Variants in DMD observed in about 807,000 individuals in gnomAD.
DMD encodes dystrophin.
A neutral mutation model predicts 330.1 loss-of-function variants in DMD; 63 were observed. The ratio of observed to expected loss-of-function variants is 0.19; its 90% CI spans 0.16 to 0.24. DMD has a LOEUF of 0.24. DMD is among the 10% of genes least tolerant of loss of function. The pLI is 1.00. For missense variants in DMD, 3,344 were observed against 2,684.1 expected (o/e 1.25, Z -5.43); for synonymous variants, 1,223 against 959.8 (o/e 1.27, Z -5.07).
intron 46 of DMD, 25 bp downstream of exon 46, chrX:31,932,055 G>T: frequency 8.3e-7 from 1 of 1,206,653 alleles, no homozygotes; most frequent in Non-Finnish European, 1.1e-6. Context: ...AGCAGGCCCT[G>T]GGGGATTTGA....
intron 1 of DMD, among the ~76,000 whole-genome samples, chrX:33,071,306 C>T (rs950595958): frequency 9.2e-6 from 1 of 109,115 alleles, no homozygotes; most frequent in African/African-American, 3.3e-5. Context: ...CAAAAATTAG[C>T]CAAGTGTGGT....
At chrX:31,259,843 C>T (rs181465865) in intron 63 of DMD, among the ~76,000 whole-genome samples, 69 of 110,654 alleles carry the variant, frequency 6.2e-4, no homozygotes, top group Middle Eastern at 4.6e-3. Flanking sequence ...ACACACACAC[C>T]CCACTTACGT....
intron 45 of DMD, among the ~76,000 whole-genome samples, chrX:31,946,961 T>A (rs1400704804): frequency 2.7e-5 from 3 of 111,028 alleles, no homozygotes; most frequent in Non-Finnish European, 5.7e-5. Flanking sequence ...GAGAGTAAAA[T>A]AAAAGGCCAT....
chrX:33,169,081 T>C, intron 1 of DMD, among the ~76,000 whole-genome samples: 2 of 108,606 alleles, frequency 1.8e-5, no homozygotes, highest in Middle Eastern at 9.4e-3. Context: ...TCAACAGTAT[T>C]GGGGCCTCCC....
In DMD at chrX:32,643,994, A is replaced by C. The variant is rs1454718256; in HGVS notation, c.1331+138T>G. 5 of 534,949 alleles carry C rather than the reference A, an allele frequency of 9.3e-6. No homozygotes were observed. The African/African-American group carries it at 1.2e-4, about 13-fold the overall frequency. 44.1% of individuals were successfully genotyped at this position (534,949 alleles called of 1,213,427 possible). A position where few individuals can be genotyped will look rare whatever the true frequency, so the allele number is the denominator to read the frequency against. On this transcript the variant is annotated intron_variant, in intron 11 of 78. Transcript: ENST00000357033. ...CAAAATGTTATTTCTATGAAAATCC[A>C]ACCAGTCTCCCTTGAAAGAAAGCTG...
At chrX:31,909,921 C>T (rs2094526947) in intron 47 of DMD, among the ~76,000 whole-genome samples, 1 of 112,077 alleles carries the variant, frequency 8.9e-6, no homozygotes, top group Non-Finnish European at 1.9e-5. Context: ...ATTTTTTGAA[C>T]TCCAGAGAGA....
chrX:31,496,791 A>G lies in DMD; in HGVS notation c.8544T>C (p.His2848=), dbSNP rs1199083892. The G allele has an allele frequency of 8.3e-7, 1 of 1,212,019 alleles. No individual in the cohort carries two copies. The change falls in exon 57 of 79, where the codon CAT becomes CAC. Residue 2848 remains histidine, a synonymous_variant. Coordinates refer to ENST00000357033, the MANE Select transcript of DMD (RefSeq NM_004006.3). ...ACGAGGCTTAAAAATGTCCTACCCT[A>G]TGTACATCGTTCTGCTTCTGAACTG... ...FPAVQKQNDV[H]RAFKRELKTK...
intron 74 of DMD, among the ~76,000 whole-genome samples, chrX:31,159,186 A>T (rs1043133458): frequency 8.9e-6 from 1 of 111,980 alleles, no homozygotes; most frequent in Non-Finnish European, 1.9e-5. Flanking sequence ...AAGAGCTCAC[A>T]TTCTAGAGTG....
chrX:32,176,589 G>C lies in DMD; in HGVS notation c.6438+40327C>G, dbSNP rs1433913947. ...GTATTCATATCAGTAAAGTGGGGAC[G>C]GTGGAGTCAAGGAAGAAGTATTGTA... On this transcript the variant is annotated intron_variant, in intron 44 of 78. Transcript: ENST00000357033. 3.6e-5 allele frequency among the ~76,000 whole-genome samples: 4 copies of C among 111,354 alleles called. No homozygotes were observed. In the East Asian group the frequency reaches 8.5e-4, roughly 24 times the overall value.
At chrX:32,731,995 A>C (rs113812001) in intron 7 of DMD, among the ~76,000 whole-genome samples, 1 of 111,662 alleles carries the variant, frequency 9.0e-6, no homozygotes, top group South Asian at 3.8e-4. Context: ...ACCAAAGGCA[A>C]AGAAGTTGAA....
At chrX:31,343,762 C>T (rs2057912502) in intron 61 of DMD, among the ~76,000 whole-genome samples, 1 of 109,991 alleles carries the variant, frequency 9.1e-6, no homozygotes, top group Non-Finnish European at 1.9e-5. Flanking sequence ...AATTTCTAAG[C>T]TTTAGGAGCC....
chrX:33,036,429 C>A (rs1368300624), intron 1 of DMD, among the ~76,000 whole-genome samples: 1 of 110,901 alleles, frequency 9.0e-6, no homozygotes. Context: ...TCTTTGTTCC[C>A]ATAAAAATTA....
intron 1 of DMD, among the ~76,000 whole-genome samples, chrX:33,295,998 C>A (rs1191992188): frequency 2.7e-5 from 3 of 111,391 alleles, no homozygotes; most frequent in African/African-American, 9.7e-5. Flanking sequence ...TATTTATTTG[C>A]ATTATCTCAC....
intron 62 of DMD, among the ~76,000 whole-genome samples, chrX:31,283,942 T>C: frequency 8.9e-6 from 1 of 111,873 alleles, no homozygotes; most frequent in Non-Finnish European, 1.9e-5. Flanking sequence ...TGAGGTTATG[T>C]ACCAATAAAC....
intron 7 of DMD, among the ~76,000 whole-genome samples, chrX:32,732,334 C>T (rs2067801755): frequency 9.0e-6 from 1 of 111,270 alleles, no homozygotes; most frequent in Admixed American, 9.6e-5. Flanking sequence ...TTGGAAAACA[C>T]TCTGCAGGAT....
chrX:32,925,444 C>G (rs756146311), intron 2 of DMD, among the ~76,000 whole-genome samples: 1 of 110,689 alleles, frequency 9.0e-6, no homozygotes, highest in Non-Finnish European at 1.9e-5. Flanking sequence ...TGGGATGCAT[C>G]AGTGAGTAGA....
At chrX:32,492,519 C>T (rs904895523) in intron 19 of DMD, among the ~76,000 whole-genome samples, 5 of 112,219 alleles carry the variant, frequency 4.5e-5, no homozygotes, top group Non-Finnish European at 7.5e-5. Flanking sequence ...ATCATTATCA[C>T]CATTACCATT....
intron 55 of DMD, among the ~76,000 whole-genome samples, chrX:31,593,526 C>G (rs1057267642): frequency 9.0e-6 from 1 of 111,202 alleles, no homozygotes; most frequent in East Asian, 2.8e-4. Context: ...TTGAAAATGT[C>G]ATTTGAGCCT....
chrX:32,001,843 A>C (rs2095629154), intron 44 of DMD, among the ~76,000 whole-genome samples: 1 of 111,760 alleles, frequency 8.9e-6, no homozygotes, highest in Admixed American at 9.5e-5. Context: ...AAAAGTTGAC[A>C]GTGATGCACT....
Sources: allele counts gnomAD v4.1 joint callset (sites outside exome capture counted in the v4.1 genomes callset), GRCh38; gene constraint gnomAD v4.1.1; transcripts MANE v1.5; gene names NCBI Gene and HGNC (gene_info 2026-07-23, HGNC 2026-07-21).